SNX29: variants seen among roughly 807,000 people sequenced by gnomAD.
The protein encoded by SNX29 is sorting nexin-29.
A neutral mutation model predicts 102.1 loss-of-function variants in SNX29; 78 were observed. The observed-to-expected ratio is 0.76, with a 90% CI of 0.64 to 0.92. The LOEUF (loss-of-function observed/expected upper bound fraction) is 0.92, where lower values mean the gene tolerates loss of function less well. Ranked by LOEUF, SNX29 falls within the 40% of genes least tolerant of loss-of-function variation. The probability of loss-of-function intolerance (pLI) is 0.00; values close to 1 mark genes in which losing one functional copy is unlikely to be tolerated. For synonymous variants in SNX29, 580 were observed against 414.5 expected (o/e 1.40, Z -4.85); for missense variants, 1,280 against 1,061.7 (o/e 1.21, Z -2.86).
intron 8 of SNX29, among the ~76,000 whole-genome samples, chr16:12,059,995 T>A (rs535584637): frequency 1.3e-5 from 2 of 152,190 alleles, no homozygotes; most frequent in Non-Finnish European, 2.9e-5. Context: ...TAAGTAGGTA[T>A]GATTATGATC....
chr16:12,393,476 G>A (rs1597215033), intron 16 of SNX29, among the ~76,000 whole-genome samples: 1 of 145,938 alleles, frequency 6.9e-6, no homozygotes, highest in East Asian at 2.2e-4. Context: ...TCTTGGCCAG[G>A]CTGCAGTGTG....
intron 20 of SNX29, among the ~76,000 whole-genome samples, chr16:12,538,590 G>T (rs2077182690): frequency 1.3e-5 from 2 of 152,184 alleles, no homozygotes; most frequent in Admixed American, 1.3e-4. Flanking sequence ...CTGTGTCTGG[G>T]AATCAGTAGG....
At position 12,457,627 on chromosome 16, in the gene SNX29, C is replaced by G. The variant is rs549750664; in HGVS notation, c.2038-20092C>G. On this transcript the variant is annotated intron_variant, in intron 18 of 20. Transcript: ENST00000566228. ...TCACTCTGGGTCTTTGGGCAAGGCCCTGTTCACACCTCATTTACCCATCAT... is the reference window on the plus strand; with the variant it reads ...TCACTCTGGGTCTTTGGGCAAGGCCGTGTTCACACCTCATTTACCCATCAT... 6.6e-5 allele frequency among the ~76,000 whole-genome samples: 10 copies of G among 152,346 alleles called. No homozygotes were observed. In the East Asian group the frequency reaches 1.9e-3, roughly 29 times the overall value.
At chr16:12,164,036 C>G (rs999584332) in intron 13 of SNX29, among the ~76,000 whole-genome samples, 1 of 152,118 alleles carries the variant, frequency 6.6e-6, no homozygotes, top group African/African-American at 2.4e-5. Context: ...GTGGGAATAT[C>G]TTTTGGTTGG....
At position 12,539,822 on chromosome 16, in the gene SNX29, A is replaced by C. The variant is rs532589099; in HGVS notation, c.2318+14981A>C. On this transcript the variant is annotated intron_variant, in intron 20 of 20. Transcript: ENST00000566228. ...ATTTTCATGTGGATGTTTTCCTTTA[A>C]CACATCCTCTTTGGGGAAGTAAGTA... Among the ~76,000 whole-genome samples, 4 of 152,318 alleles carry C rather than the reference A, an allele frequency of 2.6e-5. No homozygotes were observed. In the East Asian group the frequency reaches 7.7e-4, roughly 29 times the overall value.
chr16:12,271,760 T>G (rs1359442252), intron 14 of SNX29, among the ~76,000 whole-genome samples: 2 of 152,004 alleles, frequency 1.3e-5, no homozygotes, highest in African/African-American at 4.8e-5. Context: ...GTAGCTGGGA[T>G]TACAGGCATG....
intron 18 of SNX29, among the ~76,000 whole-genome samples, chr16:12,451,302 C>T: frequency 6.6e-6 from 1 of 152,110 alleles, no homozygotes; most frequent in Non-Finnish European, 1.5e-5. Flanking sequence ...TCTTCCCCAC[C>T]AGCTCCACCA....
At chr16:12,136,481 A>AT (rs934758394) in intron 13 of SNX29, among the ~76,000 whole-genome samples, 2 of 152,072 alleles carry the variant, frequency 1.3e-5, no homozygotes, top group African/African-American at 2.4e-5. Flanking sequence ...TCACCAGGGG[A>AT]TTTTTTTCTT....
At chr16:12,384,332 C>T (rs1369137242) in intron 16 of SNX29, among the ~76,000 whole-genome samples, 3 of 152,158 alleles carry the variant, frequency 2.0e-5, no homozygotes, top group African/African-American at 4.8e-5. Context: ...TTTACATTCC[C>T]ATCAACAGTG....
intron 15 of SNX29, among the ~76,000 whole-genome samples, chr16:12,335,986 G>A (rs1000749222): frequency 6.6e-6 from 1 of 152,126 alleles, no homozygotes; most frequent in Admixed American, 6.5e-5. Flanking sequence ...AGGCACATCC[G>A]GGAAGACAGT....
At chr16:12,259,052 T>A (rs2078656593) in intron 14 of SNX29, among the ~76,000 whole-genome samples, 1 of 151,970 alleles carries the variant, frequency 6.6e-6, no homozygotes, top group Non-Finnish European at 1.5e-5. Flanking sequence ...CTCCCCAGAT[T>A]CCCCCTCCTC....
chr16:12,527,100 A>G (rs112638874), intron 20 of SNX29: 5 of 454,614 alleles, frequency 1.1e-5, no homozygotes, highest in African/African-American at 5.9e-5. Flanking sequence ...AGCTCTTTTA[A>G]TAAAAGCTCT....
chr16:12,118,768 G>C (rs1426096510), intron 11 of SNX29, among the ~76,000 whole-genome samples: 1 of 152,140 alleles, frequency 6.6e-6, no homozygotes, highest in East Asian at 1.9e-4. Context: ...CTGTGAGTGG[G>C]ACAGGCAGGG....
chr16:12,532,763 GA>G (rs1226011901), intron 20 of SNX29, among the ~76,000 whole-genome samples: 2 of 152,206 alleles, frequency 1.3e-5, no homozygotes, highest in East Asian at 3.9e-4. Context: ...GACAGGGCAG[GA>G]GCCTGGAGTC....
intron 20 of SNX29, among the ~76,000 whole-genome samples, chr16:12,540,218 C>T (rs112890184): frequency 5.3e-5 from 8 of 152,238 alleles, no homozygotes; most frequent in East Asian, 3.9e-4. Flanking sequence ...CAAGGTTAAC[C>T]TACTTCCTGT....
At chr16:12,537,690 C>G (rs926000619) in intron 20 of SNX29, among the ~76,000 whole-genome samples, 2 of 152,148 alleles carry the variant, frequency 1.3e-5, no homozygotes, top group Admixed American at 6.5e-5. Context: ...ATTGGAGCAT[C>G]TGAAACTTCA....
At chr16:12,548,162 C>G (rs879718860) in intron 20 of SNX29, among the ~76,000 whole-genome samples, 1 of 152,206 alleles carries the variant, frequency 6.6e-6, no homozygotes, top group African/African-American at 2.4e-5. Context: ...TCATCTTGGC[C>G]ACACACATTT....
At chr16:12,213,114 A>C (rs2077231299) in intron 14 of SNX29, among the ~76,000 whole-genome samples, 2 of 152,160 alleles carry the variant, frequency 1.3e-5, no homozygotes, top group Non-Finnish European at 2.9e-5. Context: ...ACTCTGTCTC[A>C]AAAAAAGAAA....
intron 20 of SNX29, among the ~76,000 whole-genome samples, chr16:12,536,070 C>G (rs1472213427): frequency 1.3e-5 from 2 of 152,154 alleles, no homozygotes; most frequent in South Asian, 2.1e-4. Context: ...CTTCATTCAT[C>G]TAACACACCC....
Sources: gnomAD v4.1 joint callset for allele counts (sites outside exome capture counted in the v4.1 genomes callset) on GRCh38, gnomAD v4.1.1 for gene constraint, MANE v1.5 for transcripts, NCBI Gene and HGNC (gene_info 2026-07-23, HGNC 2026-07-21) for gene names.